The following CUBN variants were observed in gnomAD, a reference collection of about 807,000 sequenced individuals.
CUBN encodes 460 kDa receptor.
Under a neutral mutation model 405.3 loss-of-function variants are expected in CUBN, and 282 were observed. The observed-to-expected ratio is 0.70, with a 90% confidence interval of 0.63 to 0.77. The LOEUF is 0.77. Among genes scored for constraint, CUBN ranks in the 30% least tolerant of loss-of-function variants. The pLI is 0.00. For missense variants in CUBN, 4,514 were observed against 4,475.2 expected (o/e 1.01, Z -0.25); for synonymous variants, 1,684 against 1,617.0 (o/e 1.04, Z -0.99).
At chr10:16,979,705 A>C (rs1024123281) in intron 31 of CUBN, among the ~76,000 whole-genome samples, 5 of 152,262 alleles carry the variant, frequency 3.3e-5, no homozygotes, top group African/African-American at 7.2e-5. Flanking sequence ...GATGGATTAA[A>C]GACTTAAATG....
chr10:17,020,033 T>C (rs766442832), intron 27 of CUBN, 50 bp from the exon 28 acceptor site: 137 of 1,606,746 alleles, frequency 8.5e-5, no homozygotes, highest in Non-Finnish European at 1.1e-4. Context: ...GTTTGTGGGA[T>C]GGAAAAATCC....
intron 27 of CUBN, among the ~76,000 whole-genome samples, chr10:17,029,418 G>C (rs1834741828): frequency 6.6e-6 from 1 of 152,150 alleles, no homozygotes; most frequent in South Asian, 2.1e-4. Context: ...CTTCTAAAAT[G>C]CCTCATGCTA....
intron 22 of CUBN, among the ~76,000 whole-genome samples, chr10:17,056,875 A>G (rs1181146486): frequency 6.6e-6 from 1 of 152,102 alleles, no homozygotes; most frequent in Non-Finnish European, 1.5e-5. Context: ...ACAAACAAAA[A>G]TGAACCATAT....
intron 22 of CUBN, among the ~76,000 whole-genome samples, chr10:17,056,293 ACG>A (rs1455954458): frequency 6.6e-6 from 1 of 152,152 alleles, no homozygotes; most frequent in African/African-American, 2.4e-5. Context: ...ATCATAGAAC[ACG>A]TATAAAATCT....
At chr10:17,085,040 G>C (rs190287241) in intron 16 of CUBN, among the ~76,000 whole-genome samples, 68 of 152,028 alleles carry the variant, frequency 4.5e-4, no homozygotes, top group Non-Finnish European at 1.2e-4. Context: ...CACAATAATA[G>C]ATGTCATAAA....
chr10:16,859,330 T>C (rs1414098694), intron 59 of CUBN, among the ~76,000 whole-genome samples: 1 of 152,042 alleles, frequency 6.6e-6, no homozygotes, highest in East Asian at 1.9e-4. Flanking sequence ...AAATAGATAT[T>C]TCACCAGAGA....
Position 16,916,042 on chromosome 10 carries a change from A to C in CUBN, c.7001-12T>G, listed in dbSNP as rs751552354. On this transcript the variant is annotated splice_polypyrimidine_tract_variant and intron_variant, in intron 45 of 66. Transcript: ENST00000377833. ...TCCCCCACACTGAGCTGCAAAAAAT[A>C]AAAATAAATAAATAAATAAGAAAGC... is the stretch of plus-strand genomic sequence containing the variant. 1 of 1,607,516 alleles carries C rather than the reference A, an allele frequency of 6.2e-7. No individual in the cohort carries two copies. The highest frequency in any genetic ancestry group is 2.2e-5 in the East Asian group (1 of 44,848).
intron 28 of CUBN, among the ~76,000 whole-genome samples, chr10:17,002,455 A>AT (rs11435297): frequency 0.4 from 60,535 of 151,234 alleles, 12,373 homozygotes; most frequent in East Asian, 0.59. Context: ...TTTGAGGGTT[A>AT]TTTTTTTTTC....
At position 17,071,873 on chromosome 10, in the gene CUBN, TATTTTAAACCTGATCCAG is replaced by T; in HGVS notation, c.2382_2399del (p.Trp795_Ile800del). The T allele has an allele frequency of 6.2e-7, 1 of 1,613,210 alleles. No homozygotes were observed. Among genetic ancestry groups the T allele is most frequent in the Non-Finnish European group, 8.5e-7 (1 of 1,179,772 alleles). On this transcript the variant is annotated inframe_deletion, in exon 18 of 67. Transcript: ENST00000377833. The stretch of plus-strand genomic sequence containing the variant: ...AACTAGCTTTTTCAACAGAAGCATC[TATTTTAAACCTGATCCAG>T]ACACTATTAGTAATGGATTTAATGT...
chr10:16,829,116 C>G, intron 65 of CUBN, 76 bp from the exon 66 acceptor site: 1 of 1,045,838 alleles, frequency 9.6e-7, no homozygotes, highest in Non-Finnish European at 1.5e-6. Flanking sequence ...GGCAATAAGA[C>G]TTTATTTTCT....
intron 46 of CUBN, among the ~76,000 whole-genome samples, 187 bp from the exon 47 acceptor site, chr10:16,915,359 G>A (rs1360749130): frequency 1.3e-5 from 2 of 152,166 alleles, no homozygotes; most frequent in Non-Finnish European, 2.9e-5. Flanking sequence ...ACATGAAGAA[G>A]TGAAAAAAAT....
Position 17,104,722 on chromosome 10 carries a change from AATT to A in CUBN, c.1231-120_1231-118del, listed in dbSNP as rs1208476756. 8 of 256,456 alleles carry A rather than the reference AATT, an allele frequency of 3.1e-5. No individual in the cohort carries two copies. The East Asian group carries it at 8.3e-4, about 27-fold the overall frequency. 15.9% of individuals were successfully genotyped at this position (256,456 alleles called of 1,614,324 possible). A position where few individuals can be genotyped will look rare whatever the true frequency, so the allele number is the denominator to read the frequency against. On this transcript the variant is annotated intron_variant, in intron 11 of 66. Transcript: ENST00000377833. ...GATATATAATATATAATAATTATAT[AATT>A]ATTATATATAAAATAATATATAATT...
intron 28 of CUBN, among the ~76,000 whole-genome samples, chr10:17,008,391 T>G (rs1161451552): frequency 6.7e-6 from 1 of 150,266 alleles, no homozygotes; most frequent in African/African-American, 2.4e-5. Flanking sequence ...GAGTAATTTT[T>G]AAATTTATTT....
At chr10:16,990,307 T>C in intron 29 of CUBN, 27 bp downstream of exon 29, 1 of 1,611,964 alleles carries the variant, frequency 6.2e-7, no homozygotes, top group Non-Finnish European at 8.5e-7. Flanking sequence ...CTTTGGAATG[T>C]GCTGAAAAAA....
In CUBN at chr10:16,889,953, A is replaced by AAAAAAAAAAAAAAAG. The variant is rs57009841; in HGVS notation, c.8755+417_8755+418insCTTTTTTTTTTTTTT. On this transcript the variant is annotated intron_variant, in intron 55 of 66. Transcript: ENST00000377833. ...GCCGTGTCAAAAAAAAAAAAAAAAA[A>AAAAAAAAAAAAAAAG]CAGGAAAGACTTCGTCATGGAAATT... Among the ~76,000 whole-genome samples, 332 of 117,970 alleles carry AAAAAAAAAAAAAAAG rather than the reference A, an allele frequency of 2.8e-3. 59 individuals are homozygous for AAAAAAAAAAAAAAAG. The highest frequency in any genetic ancestry group is 0.013 in the African/African-American group (314 of 23,842). The allele number at this position is 117,970 out of a possible 152,430, so 77.4% of individuals were successfully genotyped here.
intron 28 of CUBN, among the ~76,000 whole-genome samples, chr10:17,013,287 CCTAT>C (rs1035920976): frequency 2.3e-4 from 35 of 151,522 alleles, no homozygotes; most frequent in African/African-American, 8.0e-4. Context: ...CTTTTGACTT[CCTAT>C]CTTTCTCTTT....
At chr10:17,120,876 T>A (rs2131320683) in intron 6 of CUBN, among the ~76,000 whole-genome samples, 1 of 152,226 alleles carries the variant, frequency 6.6e-6, no homozygotes, top group Middle Eastern at 3.4e-3. Flanking sequence ...AGGAGTGAAA[T>A]CTAATCTCTG....
chr10:16,945,697 G>A (rs1842759112), intron 36 of CUBN, among the ~76,000 whole-genome samples: 1 of 150,516 alleles, frequency 6.6e-6, no homozygotes, highest in Admixed American at 6.6e-5. Context: ...AAACCCCGGA[G>A]GCGACGTTTC....
At chr10:16,836,098 T>TAA in intron 63 of CUBN, 137 bp downstream of exon 63, 1 of 845,876 alleles carries the variant, frequency 1.2e-6, no homozygotes, top group Admixed American at 2.1e-5. Context: ...GGGTTCTAGT[T>TAA]AAGAGAGGGA....
Sources: allele counts gnomAD v4.1 joint callset (sites outside exome capture counted in the v4.1 genomes callset), GRCh38; gene constraint gnomAD v4.1.1; transcripts MANE v1.5; gene names NCBI Gene and HGNC (gene_info 2026-07-23, HGNC 2026-07-21).